DCBLD2: variants seen among roughly 807,000 people sequenced by gnomAD.
The protein encoded by DCBLD2 is discoidin, CUB and LCCL domain containing 2.
DCBLD2 carries 54 observed loss-of-function variants against 86.8 expected under a neutral mutation model. The observed-to-expected ratio is 0.62, with a 90% confidence interval of 0.50 to 0.78. The LOEUF (loss-of-function observed/expected upper bound fraction) is 0.78, where lower values mean the gene tolerates loss of function less well. DCBLD2 is among the 30% of genes least tolerant of loss of function. The pLI, the probability that DCBLD2 is intolerant of heterozygous loss-of-function variation, is 0.00. For missense variants in DCBLD2, 908 were observed against 954.2 expected, an observed-to-expected ratio of 0.95 and a Z score of 0.64; for synonymous variants, 354 against 341.3, an observed-to-expected ratio of 1.04 and a Z score of -0.41.
chr3:98,854,686 A>G (rs1466271857), intron 2 of DCBLD2, among the ~76,000 whole-genome samples: 4 of 152,230 alleles, frequency 2.6e-5, no homozygotes, highest in Non-Finnish European at 4.4e-5. Flanking sequence ...TTTCTACAAC[A>G]TATCATAGTC....
rs760869978 is a variant in DCBLD2, at chr3:98,811,335, A to G, written c.1451-16T>C. On this transcript the variant is annotated splice_polypyrimidine_tract_variant and intron_variant, in intron 11 of 15. Transcript: ENST00000326840. ...GGGGCACGACCTTTAAAAAAGTTTC[A>G]AAAGCTCTTTACTTTTTAATCTGTA... is the stretch of plus-strand genomic sequence containing the variant. The G allele has an allele frequency of 1.9e-6, 3 of 1,609,536 alleles. No individual in the cohort carries two copies. The highest frequency in any genetic ancestry group is 1.7e-5 in the Admixed American group (1 of 58,984).
intron 3 of DCBLD2, among the ~76,000 whole-genome samples, chr3:98,833,818 C>T (rs1942369986): frequency 6.6e-6 from 1 of 152,232 alleles, no homozygotes. Flanking sequence ...AAGATGGAAA[C>T]ACCACCCTCC....
At chr3:98,874,459 T>C (rs528187876) in intron 2 of DCBLD2, among the ~76,000 whole-genome samples, 21 of 152,308 alleles carry the variant, frequency 1.4e-4, no homozygotes, top group Admixed American at 2.0e-4. Context: ...ACTATACCAA[T>C]AGATTTAGGT....
chr3:98,883,361 T>C (rs1229955599), intron 1 of DCBLD2, among the ~76,000 whole-genome samples: 1 of 152,216 alleles, frequency 6.6e-6, no homozygotes, highest in East Asian at 1.9e-4. Context: ...AATTTAACTT[T>C]TTAGTAGTTC....
At chr3:98,822,388 AT>A (rs1465630957) in intron 5 of DCBLD2, 27 bp from the exon 6 acceptor site, 3 of 1,598,638 alleles carry the variant, frequency 1.9e-6, no homozygotes, top group Non-Finnish European at 8.5e-7. Flanking sequence ...GAAAAGATTC[AT>A]TTTTAATTTT....
At chr3:98,840,070 A>G (rs1942593493) in intron 3 of DCBLD2, among the ~76,000 whole-genome samples, 1 of 152,236 alleles carries the variant, frequency 6.6e-6, no homozygotes, top group African/African-American at 2.4e-5. Context: ...ATGCTAGAGC[A>G]TCTTGGAGAT....
rs1943856874 is a variant in DCBLD2 at position 98,901,683 on chromosome 3, G to GGCAGGCAGGCCC, written c.-369_-358dup. ...CGCTCACCCGCGGCTCCGGCTAGCT[G>GGCAGGCAGGCCC]GCAGGCAGGCCCGCAGCCAGCTCCC... On this transcript the variant is annotated 5_prime_UTR_variant, in exon 1 of 16. Coordinates refer to ENST00000326840, the MANE Select transcript of DCBLD2 (RefSeq NM_080927.4). The GGCAGGCAGGCCC allele has an allele frequency of 5.6e-6, 1 of 178,254 alleles. No individual in the cohort carries two copies. Among genetic ancestry groups the GGCAGGCAGGCCC allele is most frequent in the Non-Finnish European group, 1.2e-5 (1 of 85,630 alleles). 11.0% of individuals were successfully genotyped at this position (178,254 alleles called of 1,614,324 possible).
At chr3:98,799,886 G>C (rs1269763055) in intron 15 of DCBLD2, 45 bp from the exon 16 acceptor site, 1 of 1,490,024 alleles carries the variant, frequency 6.7e-7, no homozygotes, top group Non-Finnish European at 9.0e-7. Context: ...TACTAGTAAA[G>C]AGATTGCATA....
At chr3:98,843,649 A>C (rs1164957519) in intron 3 of DCBLD2, among the ~76,000 whole-genome samples, 1 of 152,176 alleles carries the variant, frequency 6.6e-6, no homozygotes, top group Non-Finnish European at 1.5e-5. Flanking sequence ...AAATGCAGCA[A>C]ATATTTTTTA....
Position 98,852,254 on chromosome 3 carries a change from T to A in DCBLD2, c.434-2656A>T, listed in dbSNP as rs867239094. ...TTAATGCTTCTAGGATATTTCTTTT[T>A]TTTTTTTTTTTTAAAGGAGTCTCGC... On this transcript the variant is annotated intron_variant, in intron 2 of 15. Transcript: ENST00000326840. 1.7e-3 allele frequency among the ~76,000 whole-genome samples: 255 copies of A among 151,016 alleles called. 1 individual carries two copies. The highest frequency in any genetic ancestry group is 5.3e-3 in the African/African-American group (220 of 41,272).
intron 2 of DCBLD2, among the ~76,000 whole-genome samples, chr3:98,880,696 T>G (rs1017134288): frequency 6.6e-6 from 1 of 152,200 alleles, no homozygotes; most frequent in Admixed American, 6.5e-5. Flanking sequence ...TATTATATCT[T>G]AGGTGCTGTT....
At chr3:98,861,320 G>A (rs1458316038) in intron 2 of DCBLD2, among the ~76,000 whole-genome samples, 2 of 152,094 alleles carry the variant, frequency 1.3e-5, no homozygotes, top group African/African-American at 4.8e-5. Context: ...AGATCAATGA[G>A]AAAGAAAGTT....
At position 98,797,904 on chromosome 3, in the gene DCBLD2, AG is replaced by A. The variant is rs2063051231; in HGVS notation, c.*1467del. The A allele has an allele frequency of 6.6e-6, 1 of 152,298 alleles. No individual in the cohort carries two copies. The highest frequency in any genetic ancestry group is 1.5e-5 in the Non-Finnish European group (1 of 68,008). 9.4% of individuals were successfully genotyped at this position (152,298 alleles called of 1,614,324 possible). A position where few individuals can be genotyped will look rare whatever the true frequency, so the allele number is the denominator to read the frequency against. Reference sequence around the variant, plus strand: ...TGTTCAACATTAAATCTACAAACAAAGGTTTATGGAAGAGGGAATGTCAAAT... The same window carrying A: ...TGTTCAACATTAAATCTACAAACAAAGTTTATGGAAGAGGGAATGTCAAAT... On this transcript the variant is annotated 3_prime_UTR_variant, in exon 16 of 16. Transcript: ENST00000326840.
intron 2 of DCBLD2, among the ~76,000 whole-genome samples, chr3:98,860,994 G>GAC (rs1396032335): frequency 6.6e-6 from 1 of 152,166 alleles, no homozygotes; most frequent in Non-Finnish European, 1.5e-5. Flanking sequence ...CACATGCAGA[G>GAC]ACACACATAG....
intron 3 of DCBLD2, among the ~76,000 whole-genome samples, chr3:98,848,702 C>A (rs553020422): frequency 6.6e-6 from 1 of 152,210 alleles, no homozygotes; most frequent in African/African-American, 2.4e-5. Flanking sequence ...TTAGAAATAT[C>A]CCATGTTTAT....
chr3:98,862,836 C>T (rs971507897), intron 2 of DCBLD2, among the ~76,000 whole-genome samples: 7 of 152,180 alleles, frequency 4.6e-5, no homozygotes, highest in Non-Finnish European at 8.8e-5. Flanking sequence ...TCTCTCACTA[C>T]TCCTATTTCA....
chr3:98,838,046 C>T (rs1942511421), intron 3 of DCBLD2, among the ~76,000 whole-genome samples: 1 of 120,678 alleles, frequency 8.3e-6, no homozygotes, highest in Non-Finnish European at 1.8e-5. Context: ...GGGCGGGGGG[C>T]TGACCCCCCC....
chr3:98,898,933 C>G (rs536610597), intron 1 of DCBLD2, among the ~76,000 whole-genome samples: 1 of 152,044 alleles, frequency 6.6e-6, no homozygotes, highest in Non-Finnish European at 1.5e-5. Flanking sequence ...AAGCTTTTCC[C>G]TTTGCAAAAT....
intron 2 of DCBLD2, among the ~76,000 whole-genome samples, chr3:98,851,122 G>A (rs1002145907): frequency 6.6e-6 from 1 of 152,120 alleles, no homozygotes; most frequent in African/African-American, 2.4e-5. Context: ...AAGAAATAAA[G>A]GGTATTCAAA....
Sources: gnomAD v4.1 joint callset for allele counts (sites outside exome capture counted in the v4.1 genomes callset) on GRCh38, gnomAD v4.1.1 for gene constraint, MANE v1.5 for transcripts, NCBI Gene and HGNC (gene_info 2026-07-23, HGNC 2026-07-21) for gene names.